Variants in PLAGL2 observed in about 807,000 individuals in gnomAD.
PLAGL2 encodes the protein PLAG1 like zinc finger 2, also known as zinc finger protein PLAGL2.
A neutral mutation model predicts 29.0 loss-of-function variants in PLAGL2; 7 were observed. The ratio of observed to expected loss-of-function variants is 0.24; its 90% CI spans 0.14 to 0.45. The LOEUF is 0.45. Ranked by LOEUF, PLAGL2 falls within the 20% of genes least tolerant of loss-of-function variation. The pLI, the probability that PLAGL2 is intolerant of heterozygous loss-of-function variation, is 0.99. For synonymous variants in PLAGL2, 234 were observed against 266.0 expected, an observed-to-expected ratio of 0.88 and a Z score of 1.17; for missense variants, 454 against 648.2, an observed-to-expected ratio of 0.70 and a Z score of 3.25.
At chr20:32,204,877 T>C (rs547944486) in intron 1 of PLAGL2, among the ~76,000 whole-genome samples, 4 of 152,316 alleles carry the variant, frequency 2.6e-5, no homozygotes, top group South Asian at 2.1e-4. Context: ...ACAGAACCTG[T>C]TTCCATAAAA....
rs115956604 is a variant in PLAGL2 at position 32,206,124 on chromosome 20, G to C, written c.-115+1517C>G. ...AACTGGGAAATTATAAATAGACTTA[G>C]AGGAAAGAAAAAACAAAACAAAACA... On this transcript the variant is annotated intron_variant, in intron 1 of 2. Transcript: ENST00000246229. Among the ~76,000 whole-genome samples, 7 of 152,214 alleles carry C rather than the reference G, an allele frequency of 4.6e-5. No individual in the cohort carries two copies. The South Asian group carries it at 1.5e-3, about 32-fold the overall frequency.
Position 32,197,158 on chromosome 20 carries a change from C to T in PLAGL2, c.785G>A (p.Cys262Tyr), listed in dbSNP as rs748893031. 2.5e-6 allele frequency: 4 copies of T among 1,614,206 alleles called. No homozygotes were observed. Among genetic ancestry groups the T allele is most frequent in the Admixed American group, 1.7e-5 (1 of 60,036 alleles). The change falls in exon 3 of 3, where the codon TGC becomes TAC. Residue 262 changes from cysteine (C) to tyrosine (Y), a missense_variant. Coordinates refer to ENST00000246229, the MANE Select transcript of PLAGL2 (RefSeq NM_002657.3). This position sits in a 1 kb window ranked among gnomAD's most constrained non-coding sequence, Gnocchi z 6.6. ...EPVDMLGLLS[C>Y]SSTVSVKEEL... ...TTCCTTCACACTGACTGTGGAGCTG[C>T]AGCTGAGTAGGCCTAACATGTCCAC...
intron 1 of PLAGL2, among the ~76,000 whole-genome samples, chr20:32,203,836 G>C (rs1258662554): frequency 6.6e-6 from 1 of 152,170 alleles, no homozygotes; most frequent in East Asian, 1.9e-4. Flanking sequence ...GATGTAATAT[G>C]ATAAACACGT....
chr20:32,197,594 G>A lies in PLAGL2; in HGVS notation c.349C>T (p.Leu117=), dbSNP rs1329242590. The change falls in exon 3 of 3, where the codon CTG becomes TTG. Residue 117 remains leucine (L), a synonymous_variant. Transcript: ENST00000246229. The surrounding 1 kb of genome is among the most constrained non-coding windows in gnomAD (Gnocchi z 6.6). ...FHRKDHLRNH[L]QTHDPNKEAL... ...TCTTTGTTAGGATCATGGGTCTGCA[G>A]ATGGTTCCGCAGATGGTCCTTGCGG... 6.2e-7 allele frequency: 1 copy of A among 1,614,200 alleles called. No individual in the cohort carries two copies. Among genetic ancestry groups the A allele is most frequent in the South Asian group, 1.1e-5 (1 of 91,090 alleles).
rs973708099 is a variant in PLAGL2, at chr20:32,197,924, G to A, written c.261-242C>T. On this transcript the variant is annotated intron_variant, in intron 2 of 2. Transcript: ENST00000246229. The surrounding 1 kb of genome is among the most constrained non-coding windows in gnomAD (Gnocchi z 6.6). ...AAAAAAAATCAGAAACAATCTGAAC[G>A]TCCAATCTATCAATAGGGAACTGGT... Among the ~76,000 whole-genome samples, 6 of 152,152 alleles carry A rather than the reference G, an allele frequency of 3.9e-5. No homozygotes were observed. Among genetic ancestry groups the A allele is most frequent in the Non-Finnish European group, 5.9e-5 (4 of 68,026 alleles).
rs1407063648 is a variant in PLAGL2, at chr20:32,196,932, C to T, written c.1011G>A (p.Gln337=). Reference sequence around the variant, plus strand: ...ATCCAAGCTGGTATTTTGGAGGGAGCTGAGCTGGGGAAGAGATAGGTGAGG... The same window carrying T: ...ATCCAAGCTGGTATTTTGGAGGGAGTTGAGCTGGGGAAGAGATAGGTGAGG... ...LESSPISSPA[Q]LPPKYQLGST... is the part of the protein sequence containing the mutation. Residue 337 remains glutamine, a synonymous_variant, in exon 3 of 3, where the codon CAG becomes CAA. Coordinates refer to ENST00000246229, the MANE Select transcript of PLAGL2 (RefSeq NM_002657.3). The T allele has an allele frequency of 1.9e-6, 3 of 1,614,190 alleles. No individual in the cohort carries two copies.
rs759377867 is a variant in PLAGL2 at position 32,197,982 on chromosome 20, CA to C, written c.261-301del. On this transcript the variant is annotated intron_variant, in intron 2 of 2. Transcript: ENST00000246229. The surrounding 1 kb of genome is among the most constrained non-coding windows in gnomAD (Gnocchi z 6.6). ...ATTATGATAAGTCCATAAAATGACT[CA>C]ACTTTTCAAAAATGAGGCTTTTTGT... Among the ~76,000 whole-genome samples, 15 of 152,106 alleles carry C rather than the reference CA, an allele frequency of 9.9e-5. No individual in the cohort carries two copies. The highest frequency in any genetic ancestry group is 1.9e-4 in the Non-Finnish European group (13 of 68,024).
At position 32,195,018 on chromosome 20, in the gene PLAGL2, C is replaced by G. The variant is rs1474261532; in HGVS notation, c.*1434G>C. ...AGCCCCACGAGTCAGAAGAAAAGAACTAATCATTTGTTGCAAGAAACCTTG... is the reference window on the plus strand; with the variant it reads ...AGCCCCACGAGTCAGAAGAAAAGAAGTAATCATTTGTTGCAAGAAACCTTG... On this transcript the variant is annotated 3_prime_UTR_variant, in exon 3 of 3. Coordinates refer to ENST00000246229, the MANE Select transcript of PLAGL2 (RefSeq NM_002657.3). 1.4e-5 allele frequency: 2 copies of G among 141,186 alleles called. No individual in the cohort carries two copies. Among genetic ancestry groups the G allele is most frequent in the Non-Finnish European group, 3.0e-5 (2 of 66,644 alleles). The allele number at this position is 141,186 out of a possible 1,614,324, so 8.7% of individuals were successfully genotyped here.
At position 32,193,660 on chromosome 20, in the gene PLAGL2, A is replaced by G. The variant is rs1273464481; in HGVS notation, c.*2792T>C. ...ATATGCCATGGCTCCTGTCCTGGGC[A>G]GATGCCCCTCAGGTTCTCATGGCCT... On this transcript the variant is annotated 3_prime_UTR_variant, in exon 3 of 3. Transcript: ENST00000246229. 1 of 152,264 alleles carries G rather than the reference A, an allele frequency of 6.6e-6. No homozygotes were observed. The highest frequency in any genetic ancestry group is 1.5e-5 in the Non-Finnish European group (1 of 68,074). 9.4% of individuals were successfully genotyped at this position (152,264 alleles called of 1,614,324 possible). A position where few individuals can be genotyped will look rare whatever the true frequency, so the allele number is the denominator to read the frequency against.
chr20:32,202,591 G>A (rs886397821), intron 1 of PLAGL2, among the ~76,000 whole-genome samples: 1 of 152,218 alleles, frequency 6.6e-6, no homozygotes, highest in Non-Finnish European at 1.5e-5. Context: ...AGGCTAATAA[G>A]AAACAAGATA....
At position 32,195,619 on chromosome 20, in the gene PLAGL2, A is replaced by C. The variant is rs1313467625; in HGVS notation, c.*833T>G. The C allele has an allele frequency of 6.5e-6, 1 of 152,694 alleles. No homozygotes were observed. The allele number at this position is 152,694 out of a possible 1,614,324, so 9.5% of individuals were successfully genotyped here. A position where few individuals can be genotyped will look rare whatever the true frequency, so the allele number is the denominator to read the frequency against. ...CAGTCATGGAAGATGGCAGAGACTG[A>C]AGCAGTCCAAAGTCAGTTTATTTCC... is the stretch of plus-strand genomic sequence containing the variant. On this transcript the variant is annotated 3_prime_UTR_variant, in exon 3 of 3. Coordinates refer to ENST00000246229, the MANE Select transcript of PLAGL2 (RefSeq NM_002657.3).
intron 1 of PLAGL2, among the ~76,000 whole-genome samples, chr20:32,205,474 A>G (rs2047281587): frequency 6.6e-6 from 1 of 152,116 alleles, no homozygotes; most frequent in Non-Finnish European, 1.5e-5. Context: ...CCATATCCCA[A>G]ACAGGAATGC....
rs751106698 is a variant in PLAGL2 at position 32,197,726 on chromosome 20, G to A, written c.261-44C>T. The stretch of plus-strand genomic sequence containing the variant: ...GATAGGGGAGAAAGCAGAAAGAGGG[G>A]AGATCACAAGGGATGACTGGACAAC... On this transcript the variant is annotated intron_variant, in intron 2 of 2. Coordinates refer to ENST00000246229, the MANE Select transcript of PLAGL2 (RefSeq NM_002657.3). This position sits in a 1 kb window ranked among gnomAD's most constrained non-coding sequence, Gnocchi z 6.6. The A allele has an allele frequency of 2.6e-6, 4 of 1,541,856 alleles. No individual in the cohort carries two copies. The highest frequency in any genetic ancestry group is 1.7e-5 in the Admixed American group (1 of 57,600).
rs751678161 is a variant in PLAGL2, at chr20:32,202,153, G to A, written c.26C>T (p.Pro9Leu). The change falls in exon 2 of 3, where the codon CCC (proline) becomes CTC (leucine). Residue 9 changes from proline (P) to leucine (L), a missense_variant. By Grantham distance (98) the Pro-to-Leu change is moderately conservative. Transcript: ENST00000246229. MTTFFTSV[P>L]PWIQDAKQEE... ...CTGCTTTGCATCTTGAATCCAGGGG[G>A]GGACGCTGGTGAAAAATGTGGTCAT... The A allele has an allele frequency of 1.9e-6, 3 of 1,614,048 alleles. No homozygotes were observed. Among genetic ancestry groups the A allele is most frequent in the Admixed American group, 1.7e-5 (1 of 60,014 alleles).
At position 32,194,231 on chromosome 20, in the gene PLAGL2, T is replaced by C. The variant is rs2047216529; in HGVS notation, c.*2221A>G. ...AGGTGGCAGTTAAGGTGAGAAGGGT[T>C]GCTGAGTCTAGTGATGAAAACCAGA... On this transcript the variant is annotated 3_prime_UTR_variant, in exon 3 of 3. Transcript: ENST00000246229. 1.3e-5 allele frequency: 2 copies of C among 152,094 alleles called. 1 individual carries two copies. Among genetic ancestry groups the C allele is most frequent in the South Asian group, 4.2e-4 (2 of 4,814 alleles). The allele number at this position is 152,094 out of a possible 1,614,324, so 9.4% of individuals were successfully genotyped here.
rs947627844 is a variant in PLAGL2 at position 32,206,133 on chromosome 20, A to AAAAAC, written c.-115+1503_-115+1507dup. ...ATTATAAATAGACTTAGAGGAAAGA[A>AAAAAC]AAAACAAAACAAAACAAAACAAAAA... On this transcript the variant is annotated intron_variant, in intron 1 of 2. Coordinates refer to ENST00000246229, the MANE Select transcript of PLAGL2 (RefSeq NM_002657.3). 5.3e-5 allele frequency among the ~76,000 whole-genome samples: 8 copies of AAAAAC among 152,194 alleles called. 1 individual carries two copies. Among genetic ancestry groups the AAAAAC allele is most frequent in the Non-Finnish European group, 8.8e-5 (6 of 68,040 alleles).
Position 32,194,193 on chromosome 20 carries a change from G to A in PLAGL2, c.*2259C>T, listed in dbSNP as rs1464669218. 1 of 152,232 alleles carries A rather than the reference G, an allele frequency of 6.6e-6. No individual in the cohort carries two copies. Among genetic ancestry groups the A allele is most frequent in the East Asian group, 1.9e-4 (1 of 5,190 alleles). 9.4% of individuals were successfully genotyped at this position (152,232 alleles called of 1,614,324 possible). A position where few individuals can be genotyped will look rare whatever the true frequency, so the allele number is the denominator to read the frequency against. On this transcript the variant is annotated 3_prime_UTR_variant, in exon 3 of 3. Transcript: ENST00000246229. ...AGAGGCCCAGTGGCCTCTGTAAACT[G>A]AGAGTGTAGGGAAGGTGGCAGTTAA... is the stretch of plus-strand genomic sequence containing the variant.
In PLAGL2 at chr20:32,193,060, G is replaced by A. The variant is rs1285523824; in HGVS notation, c.*3392C>T. The A allele has an allele frequency of 1.3e-5, 2 of 152,628 alleles. No individual in the cohort carries two copies. Among genetic ancestry groups the A allele is most frequent in the African/African-American group, 4.8e-5 (2 of 41,426 alleles). 9.5% of individuals were successfully genotyped at this position (152,628 alleles called of 1,614,324 possible). A position where few individuals can be genotyped will look rare whatever the true frequency, so the allele number is the denominator to read the frequency against. On this transcript the variant is annotated 3_prime_UTR_variant, in exon 3 of 3. Transcript: ENST00000246229. ...GGAGAGGCCAGGGTGGGATCCCAGA[G>A]GAATCTGGACTTTTCTGGCCAACAC...
rs2047231179 is a variant in PLAGL2 at position 32,196,784 on chromosome 20, C to A, written c.1159G>T (p.Ala387Ser). The change falls in exon 3 of 3, where the codon GCT becomes TCT. Residue 387 changes from alanine (A) to serine (S), a missense_variant. Ala to Ser is a moderately conservative substitution (Grantham distance 99). Around this residue, in one of 4 missense-constraint regions of PLAGL2, gnomAD observed 247 missense variants for 350.3 expected, o/e 0.71. Coordinates refer to ENST00000246229, the MANE Select transcript of PLAGL2 (RefSeq NM_002657.3). ...AGTGCTTCATCTAGGAGGGCCGCAG[C>A]TGCCGCCGGCTGAGGTGAGGCGGGC... ...PQPASPQPAA[A>S]AALLDEALLA... 1.9e-6 allele frequency: 3 copies of A among 1,609,270 alleles called. No individual in the cohort carries two copies. Among genetic ancestry groups the A allele is most frequent in the Middle Eastern group, 1.7e-4 (1 of 6,040 alleles).
Sources: allele counts gnomAD v4.1 joint callset (sites outside exome capture counted in the v4.1 genomes callset), GRCh38; gene constraint gnomAD v4.1.1; regional missense constraint gnomAD v4.1.1; non-coding constraint Gnocchi (gnomAD v3.1); transcripts MANE v1.5; gene names NCBI Gene and HGNC (gene_info 2026-07-23, HGNC 2026-07-21).